Variants in ARHGAP6 observed in about 807,000 individuals in gnomAD.
ARHGAP6 encodes rho GTPase-activating protein 6.
In ARHGAP6, 16 loss-of-function variants were observed where a neutral mutation model predicts 55.7. The ratio of observed to expected loss-of-function variants is 0.29; its 90% CI spans 0.19 to 0.44. The LOEUF (loss-of-function observed/expected upper bound fraction) is 0.44. Among genes scored for constraint, ARHGAP6 ranks in the 20% least tolerant of loss-of-function variants. The probability of loss-of-function intolerance (pLI) is 1.00; values close to 1 mark genes in which losing one functional copy is unlikely to be tolerated. For missense variants in ARHGAP6, 698 were observed against 808.9 expected (o/e 0.86, Z 1.66); for synonymous variants, 382 against 360.9 (o/e 1.06, Z -0.66).
At chrX:11,298,032 A>C in intron 1 of ARHGAP6, 1 of 1,011,878 alleles carries the variant, frequency 9.9e-7, no homozygotes, top group African/African-American at 1.9e-5. Flanking sequence ...AATGTGTGTG[A>C]TGGATGTAAA....
chrX:11,525,535 A>G (rs758436082), intron 1 of ARHGAP6, among the ~76,000 whole-genome samples: 4 of 112,213 alleles, frequency 3.6e-5, no homozygotes, highest in Non-Finnish European at 5.6e-5. Flanking sequence ...CCATGCAGAA[A>G]TTAGGCTCCC....
intron 1 of ARHGAP6, among the ~76,000 whole-genome samples, chrX:11,389,383 C>T (rs1380283644): frequency 1.8e-5 from 2 of 112,310 alleles, no homozygotes; most frequent in African/African-American, 3.2e-5. Flanking sequence ...AACAAAAAAG[C>T]CTCTTACAGA....
intron 1 of ARHGAP6, among the ~76,000 whole-genome samples, chrX:11,316,852 G>A (rs1168597302): frequency 8.9e-6 from 1 of 112,478 alleles, no homozygotes; most frequent in African/African-American, 3.2e-5. Context: ...TGAACACAGT[G>A]TCCTCCAGAT....
intron 1 of ARHGAP6, among the ~76,000 whole-genome samples, chrX:11,415,637 C>A (rs1335788781): frequency 1.8e-5 from 2 of 112,035 alleles, no homozygotes; most frequent in African/African-American, 6.5e-5. Flanking sequence ...TGAAGTTAGG[C>A]TTTTACATGT....
chrX:11,583,333 G>A (rs2051686798), intron 1 of ARHGAP6, among the ~76,000 whole-genome samples: 1 of 112,233 alleles, frequency 8.9e-6, no homozygotes, highest in Admixed American at 9.5e-5. Flanking sequence ...AGTAGGTGAT[G>A]CTTGTTGTCA....
chrX:11,320,766 TACACACACACACACACACACACAC>T (rs56815077), intron 1 of ARHGAP6, among the ~76,000 whole-genome samples: 1 of 85,667 alleles, frequency 1.2e-5, no homozygotes, highest in African/African-American at 4.2e-5. Context: ...AATATCTCTT[TACACACACACACACACACACACAC>T]ACACACACAC....
intron 1 of ARHGAP6, among the ~76,000 whole-genome samples, chrX:11,575,879 A>G (rs1481951402): frequency 8.9e-6 from 1 of 112,540 alleles, no homozygotes. Flanking sequence ...TAACAGCTGC[A>G]GTTCAGAACA....
intron 1 of ARHGAP6, among the ~76,000 whole-genome samples, chrX:11,660,071 C>T (rs1054141198): frequency 9.0e-6 from 1 of 111,623 alleles, no homozygotes; most frequent in Admixed American, 9.4e-5. Flanking sequence ...TGAGACGCTT[C>T]GTAATTACCA....
intron 1 of ARHGAP6, among the ~76,000 whole-genome samples, chrX:11,359,097 T>C (rs1235415320): frequency 8.9e-6 from 1 of 112,117 alleles, no homozygotes; most frequent in African/African-American, 3.2e-5. Flanking sequence ...TTATCTGTTA[T>C]GGCATCTCCT....
At chrX:11,465,708 C>T (rs1250038232) in intron 1 of ARHGAP6, among the ~76,000 whole-genome samples, 1 of 111,664 alleles carries the variant, frequency 9.0e-6, no homozygotes, top group Admixed American at 9.5e-5. Flanking sequence ...AAACTGAACA[C>T]AGCATCACTT....
chrX:11,398,409 C>A (rs1364968876), intron 1 of ARHGAP6, among the ~76,000 whole-genome samples: 3 of 110,929 alleles, frequency 2.7e-5, no homozygotes, highest in Non-Finnish European at 3.8e-5. Context: ...AAACAAGCCT[C>A]TTTTCAGAGT....
intron 1 of ARHGAP6, among the ~76,000 whole-genome samples, chrX:11,609,823 G>T (rs1218988860): frequency 8.9e-6 from 1 of 111,865 alleles, no homozygotes; most frequent in Non-Finnish European, 1.9e-5. Context: ...TGGTGGCAAA[G>T]ATGCCCTAGA....
intron 1 of ARHGAP6, among the ~76,000 whole-genome samples, chrX:11,509,001 T>G (rs1222111337): frequency 9.0e-6 from 1 of 111,580 alleles, no homozygotes; most frequent in Non-Finnish European, 1.9e-5. Flanking sequence ...ACCTTGATAT[T>G]GGAATCATTA....
At chrX:11,569,402 G>C in intron 1 of ARHGAP6, among the ~76,000 whole-genome samples, 1 of 111,929 alleles carries the variant, frequency 8.9e-6, no homozygotes, top group Admixed American at 9.5e-5. Context: ...CTAATCTGTA[G>C]AGGATGTCAT....
chrX:11,247,341 G>A (rs1312971000), intron 2 of ARHGAP6, among the ~76,000 whole-genome samples: 1 of 112,466 alleles, frequency 8.9e-6, no homozygotes, highest in Non-Finnish European at 1.9e-5. Context: ...ATGCATTTCT[G>A]TCTTATAGAA....
At position 11,257,827 on chromosome X, in the gene ARHGAP6, G is replaced by T. The variant is rs369939012; in HGVS notation, c.589-3120C>A. Among the ~76,000 whole-genome samples the T allele has an allele frequency of 2.7e-5, 3 of 111,913 alleles. No individual in the cohort carries two copies. In the East Asian group the frequency reaches 8.4e-4, roughly 31 times the overall value. On this transcript the variant is annotated intron_variant, in intron 1 of 12. Coordinates refer to ENST00000337414, the MANE Select transcript of ARHGAP6 (RefSeq NM_013427.3). ...GACAAGGCTTTGTTATCTATCTGGAGGATCAAGGAAAGCTTTATAGAGAAG... is the reference window on the plus strand; with the variant it reads ...GACAAGGCTTTGTTATCTATCTGGATGATCAAGGAAAGCTTTATAGAGAAG...
At chrX:11,154,214 T>G (rs2147283331) in intron 10 of ARHGAP6, among the ~76,000 whole-genome samples, 1 of 111,921 alleles carries the variant, frequency 8.9e-6, no homozygotes, top group South Asian at 3.8e-4. Flanking sequence ...CAGTCTATCG[T>G]TGTTGGACAT....
intron 1 of ARHGAP6, among the ~76,000 whole-genome samples, chrX:11,565,058 G>A (rs1292087174): frequency 8.9e-6 from 1 of 112,174 alleles, no homozygotes; most frequent in Admixed American, 9.5e-5. Flanking sequence ...AGAAAGTAGG[G>A]AAATCTCAGA....
Position 11,139,549 on chromosome X carries a change from G to A in ARHGAP6, c.2258-19C>T, listed in dbSNP as rs774666780. The A allele has an allele frequency of 1.3e-5, 15 of 1,128,432 alleles. No homozygotes were observed. In the African/African-American group the frequency reaches 2.2e-4, roughly 17 times the overall value. 93.0% of individuals were successfully genotyped at this position (1,128,432 alleles called of 1,213,427 possible). ...GAGGAACCTGGAAGCCAGAGAGAAA[G>A]CCCAAGAAATGGAATCAGTTTGTAG... On this transcript the variant is annotated intron_variant, in intron 12 of 12. Coordinates refer to ENST00000337414, the MANE Select transcript of ARHGAP6 (RefSeq NM_013427.3).
Sources: allele counts gnomAD v4.1 joint callset (sites outside exome capture counted in the v4.1 genomes callset), GRCh38; gene constraint gnomAD v4.1.1; transcripts MANE v1.5; gene names NCBI Gene and HGNC (gene_info 2026-07-23, HGNC 2026-07-21).